Variants in TNIK observed in about 807,000 individuals in gnomAD.
TNIK encodes TRAF2 and NCK interacting kinase.
TNIK carries 49 observed loss-of-function variants against 191.3 expected under a neutral mutation model. The observed-to-expected ratio is 0.26, with a 90% CI of 0.20 to 0.32. TNIK has a LOEUF of 0.32. TNIK is among the 10% of genes least tolerant of loss of function. The probability of loss-of-function intolerance (pLI) is 1.00; values close to 1 mark genes in which losing one functional copy is unlikely to be tolerated. For missense variants in TNIK, 1,155 were observed against 1,702.3 expected (o/e 0.68, Z 5.66); for synonymous variants, 594 against 600.9 (o/e 0.99, Z 0.17).
Position 171,323,427 on chromosome 3 carries a change from G to C in TNIK, c.123+46193C>G, listed in dbSNP as rs9883166. On this transcript the variant is annotated intron_variant, in intron 2 of 32. Transcript: ENST00000436636. ...TTACTTGTAATGTATTGCCATAAGA[G>C]TGATTTGTGGATTACACCGCATGGA... is the stretch of plus-strand genomic sequence containing the variant. Among the ~76,000 whole-genome samples, 64 of 152,240 alleles carry C rather than the reference G, an allele frequency of 4.2e-4. 1 individual carries two copies. In the South Asian group the frequency reaches 0.013, roughly 31 times the overall value.
intron 12 of TNIK, among the ~76,000 whole-genome samples, chr3:171,145,440 TG>T (rs75861635): frequency 6.6e-6 from 1 of 152,096 alleles, no homozygotes. Context: ...CACCCAGTGG[TG>T]GGATTGCTGG....
chr3:171,364,345 C>T (rs1408092302), intron 2 of TNIK, among the ~76,000 whole-genome samples: 1 of 151,490 alleles, frequency 6.6e-6, no homozygotes, highest in African/African-American at 2.4e-5. Flanking sequence ...AACATAAGAT[C>T]CACATCCCCA....
intron 2 of TNIK, among the ~76,000 whole-genome samples, chr3:171,228,863 G>A (rs1237355460): frequency 1.3e-5 from 2 of 152,272 alleles, no homozygotes; most frequent in Non-Finnish European, 1.5e-5. Context: ...CGCCAAGGGG[G>A]CACTCTCAGA....
chr3:171,195,689 T>A (rs912119246), intron 4 of TNIK, among the ~76,000 whole-genome samples: 1 of 152,224 alleles, frequency 6.6e-6, no homozygotes, highest in Non-Finnish European at 1.5e-5. Context: ...GAAACTCATT[T>A]CATGAGTGAG....
At chr3:171,297,457 T>C (rs1163702997) in intron 2 of TNIK, among the ~76,000 whole-genome samples, 2 of 152,208 alleles carry the variant, frequency 1.3e-5, no homozygotes, top group East Asian at 1.9e-4. Flanking sequence ...GTGATATTAA[T>C]AAAACTAACT....
intron 1 of TNIK, among the ~76,000 whole-genome samples, chr3:171,423,336 T>C (rs548439709): frequency 1.6e-3 from 238 of 152,056 alleles, no homozygotes; most frequent in African/African-American, 5.5e-3. Context: ...TAAAAGAGGA[T>C]ACAAACAAAT....
intron 2 of TNIK, among the ~76,000 whole-genome samples, chr3:171,346,178 A>T (rs1712151837): frequency 6.6e-6 from 1 of 152,198 alleles, no homozygotes; most frequent in Admixed American, 6.5e-5. Flanking sequence ...AGGGCACTGC[A>T]GTCAGACTCT....
chr3:171,381,711 G>A (rs986472923), intron 1 of TNIK, among the ~76,000 whole-genome samples: 1 of 152,138 alleles, frequency 6.6e-6, no homozygotes, highest in Non-Finnish European at 1.5e-5. Context: ...ACTAAATTCT[G>A]GCCAATGGTA....
intron 23 of TNIK, among the ~76,000 whole-genome samples, chr3:171,089,241 G>T (rs1721744865): frequency 6.6e-6 from 1 of 152,124 alleles, no homozygotes; most frequent in Non-Finnish European, 1.5e-5. Flanking sequence ...TTGTCACAGT[G>T]GCCATCAGTA....
chr3:171,431,303 T>G (rs1725359068), intron 1 of TNIK, among the ~76,000 whole-genome samples: 1 of 152,182 alleles, frequency 6.6e-6, no homozygotes, highest in African/African-American at 2.4e-5. Flanking sequence ...TGGTAGCTGC[T>G]ATGATAGATC....
At chr3:171,375,634 A>G (rs1302747230) in intron 1 of TNIK, among the ~76,000 whole-genome samples, 1 of 152,242 alleles carries the variant, frequency 6.6e-6, no homozygotes, top group Non-Finnish European at 1.5e-5. Context: ...CCACTAGGTT[A>G]TGCTTTAATT....
At chr3:171,110,217 T>C (rs779021935) in intron 19 of TNIK, among the ~76,000 whole-genome samples, 1 of 152,194 alleles carries the variant, frequency 6.6e-6, no homozygotes. Flanking sequence ...TAAATATGCT[T>C]TTTAAGTCAA....
intron 15 of TNIK, among the ~76,000 whole-genome samples, chr3:171,137,641 A>G (rs1730216064): frequency 6.6e-6 from 1 of 152,220 alleles, no homozygotes; most frequent in Admixed American, 6.5e-5. Flanking sequence ...AAGCAAATGA[A>G]GGAAGTATGT....
At chr3:171,424,062 G>A (rs1724203522) in intron 1 of TNIK, among the ~76,000 whole-genome samples, 1 of 152,020 alleles carries the variant, frequency 6.6e-6, no homozygotes, top group African/African-American at 2.4e-5. Context: ...TAGAATGGGA[G>A]AAAATTTTTG....
intron 2 of TNIK, among the ~76,000 whole-genome samples, chr3:171,269,986 A>G (rs1297970025): frequency 6.6e-6 from 1 of 152,210 alleles, no homozygotes; most frequent in Non-Finnish European, 1.5e-5. Context: ...GAGATCAGTC[A>G]TACTTACCTA....
At chr3:171,329,172 A>G (rs1016214399) in intron 2 of TNIK, among the ~76,000 whole-genome samples, 3 of 151,962 alleles carry the variant, frequency 2.0e-5, no homozygotes, top group African/African-American at 7.3e-5. Context: ...GTTAACTATT[A>G]CTTATTTGTG....
In TNIK at chr3:171,460,173, G is replaced by A; in HGVS notation, c.-110C>T. On this transcript the variant is annotated 5_prime_UTR_variant, in exon 1 of 33. Coordinates refer to ENST00000436636, the MANE Select transcript of TNIK (RefSeq NM_015028.4). The surrounding 1 kb of genome is among the most constrained non-coding windows in gnomAD (Gnocchi z 6.8). ...TCCTCATGCGGGTGTCGCGCCAGAG[G>A]CCCCGGGCCCAGCCTCCCCCGCCCA... 6 of 1,392,994 alleles carry A rather than the reference G, an allele frequency of 4.3e-6. No individual in the cohort carries two copies. Among genetic ancestry groups the A allele is most frequent in the Admixed American group, 2.0e-5 (1 of 50,354 alleles). 86.3% of individuals were successfully genotyped at this position (1,392,994 alleles called of 1,614,324 possible).
chr3:171,223,841 C>G (rs569401245), intron 3 of TNIK, among the ~76,000 whole-genome samples: 1 of 152,154 alleles, frequency 6.6e-6, no homozygotes, highest in Non-Finnish European at 1.5e-5. Context: ...TTTGAACACA[C>G]TCACTATAAT....
At chr3:171,395,211 C>T (rs1488647293) in intron 1 of TNIK, among the ~76,000 whole-genome samples, 1 of 152,164 alleles carries the variant, frequency 6.6e-6, no homozygotes, top group East Asian at 1.9e-4. Flanking sequence ...ACAGCAGATT[C>T]TGGCAGTAGA....
Sources: gnomAD v4.1 joint callset for allele counts (sites outside exome capture counted in the v4.1 genomes callset) on GRCh38, gnomAD v4.1.1 for gene constraint, Gnocchi (gnomAD v3.1) non-coding constraint, MANE v1.5 for transcripts, NCBI Gene and HGNC (gene_info 2026-07-23, HGNC 2026-07-21) for gene names.